The following SCN11A variants were observed in gnomAD, a reference collection of about 807,000 sequenced individuals.
SCN11A encodes sodium voltage-gated channel alpha subunit 11.
A neutral mutation model predicts 162.2 loss-of-function variants in SCN11A; 122 were observed. The ratio of observed to expected loss-of-function variants is 0.75; its 90% CI spans 0.65 to 0.87. The LOEUF is 0.87. SCN11A is among the 40% of genes least tolerant of loss of function. SCN11A has a pLI of 0.00. For synonymous variants in SCN11A, 758 were observed against 751.5 expected, an observed-to-expected ratio of 1.01 and a Z score of -0.14; for missense variants, 2,015 against 2,181.6, an observed-to-expected ratio of 0.92 and a Z score of 1.52.
At chr3:38,909,746 C>A (rs113663837) in intron 12 of SCN11A, among the ~76,000 whole-genome samples, 37 of 151,822 alleles carry the variant, frequency 2.4e-4, no homozygotes, top group African/African-American at 6.8e-4. Flanking sequence ...CCATGCCCTG[C>A]TAATTTTTGT....
chr3:39,003,913 G>A (rs1244908504), intron 2 of SCN11A, among the ~76,000 whole-genome samples: 1 of 151,870 alleles, frequency 6.6e-6, no homozygotes, highest in Non-Finnish European at 1.5e-5. Flanking sequence ...CCTTATAGAT[G>A]CTGGATATTA....
At chr3:38,860,126 C>A (rs971768975) in intron 28 of SCN11A, among the ~76,000 whole-genome samples, 1 of 152,064 alleles carries the variant, frequency 6.6e-6, no homozygotes, top group African/African-American at 2.4e-5. Flanking sequence ...GATTCCATAT[C>A]AAACCTGACC....
intron 5 of SCN11A, among the ~76,000 whole-genome samples, chr3:38,949,680 A>C (rs1239909044): frequency 6.6e-6 from 1 of 152,200 alleles, no homozygotes; most frequent in Non-Finnish European, 1.5e-5. Flanking sequence ...TCTATGCTCT[A>C]AGGTAGGAAC....
chr3:38,982,209 C>T (rs997807971), intron 2 of SCN11A, among the ~76,000 whole-genome samples: 1 of 152,084 alleles, frequency 6.6e-6, no homozygotes, highest in Non-Finnish European at 1.5e-5. Context: ...TTGGGCCAAC[C>T]CTGGCCTGTT....
chr3:38,949,406 G>T (rs892636012), intron 5 of SCN11A, among the ~76,000 whole-genome samples: 12 of 152,172 alleles, frequency 7.9e-5, no homozygotes, highest in African/African-American at 2.7e-4. Context: ...AAAATAGCAA[G>T]GCTTTCACAT....
In SCN11A at chr3:38,847,734, T is replaced by A; in HGVS notation, c.4336A>T (p.Ile1446Phe). 3 of 1,581,802 alleles carry A rather than the reference T, an allele frequency of 1.9e-6. No homozygotes were observed. The highest frequency in any genetic ancestry group is 2.6e-6 in the Non-Finnish European group (3 of 1,156,756). Residue 1446 changes from isoleucine to phenylalanine, a missense_variant, in exon 30 of 30, where the codon ATT becomes TTT. Coordinates refer to ENST00000302328, the MANE Select transcript of SCN11A (RefSeq NM_001349253.2). ...VVLLSIVSTMISTLENQEHIP... is the reference protein window; with the variant it reads ...VVLLSIVSTMFSTLENQEHIP... ...TGCTCCTGATTTTCCAAGGTAGAAA[T>A]CATTGTACCTCAGGAGAAGGAGAAA...
chr3:38,935,931 G>A (rs1168298738), intron 7 of SCN11A, among the ~76,000 whole-genome samples: 1 of 152,160 alleles, frequency 6.6e-6, no homozygotes, highest in African/African-American at 2.4e-5. Flanking sequence ...GAGAATTTTA[G>A]ACCAATATCT....
chr3:39,019,717 CT>C (rs1307312743), intron 2 of SCN11A, among the ~76,000 whole-genome samples: 1 of 152,094 alleles, frequency 6.6e-6, no homozygotes, highest in African/African-American at 2.4e-5. Context: ...TTAATTTGTT[CT>C]TTTCATAACT....
At chr3:38,887,047 T>C (rs2065412462) in intron 19 of SCN11A, among the ~76,000 whole-genome samples, 1 of 152,206 alleles carries the variant, frequency 6.6e-6, no homozygotes. Context: ...CTGCCTTTCC[T>C]TTCCCATACT....
At chr3:39,017,321 T>C (rs773097862) in intron 2 of SCN11A, among the ~76,000 whole-genome samples, 18 of 151,736 alleles carry the variant, frequency 1.2e-4, no homozygotes, top group Admixed American at 4.0e-4. Context: ...TTATGCCACC[T>C]AGTCTATGGT....
At position 38,862,143 on chromosome 3, in the gene SCN11A, A is replaced by G. The variant is rs562883006; in HGVS notation, c.4056+1052T>C. On this transcript the variant is annotated intron_variant, in intron 28 of 29. Transcript: ENST00000302328. ...AAGAAACATAGAAAAAAAATGCTCAACATCACTAATTATCAGGGAAATACA... is the reference window on the plus strand; with the variant it reads ...AAGAAACATAGAAAAAAAATGCTCAGCATCACTAATTATCAGGGAAATACA... Among the ~76,000 whole-genome samples the G allele has an allele frequency of 1.4e-4, 22 of 152,258 alleles. No individual in the cohort carries two copies. In the South Asian group the frequency reaches 2.1e-3, roughly 14 times the overall value.
At chr3:38,966,136 A>G (rs2066780623) in intron 2 of SCN11A, among the ~76,000 whole-genome samples, 1 of 152,172 alleles carries the variant, frequency 6.6e-6, no homozygotes, top group Non-Finnish European at 1.5e-5. Flanking sequence ...TGCTTTCCAG[A>G]ACGTTGCCAT....
chr3:39,045,145 G>A (rs577619534), intron 1 of SCN11A, among the ~76,000 whole-genome samples: 1 of 152,208 alleles, frequency 6.6e-6, no homozygotes, highest in African/African-American at 2.4e-5. Flanking sequence ...TGAGATTGTG[G>A]GAGAAATAAA....
chr3:38,982,997 A>G (rs1575346527), intron 2 of SCN11A, among the ~76,000 whole-genome samples: 1 of 152,354 alleles, frequency 6.6e-6, no homozygotes, highest in Middle Eastern at 3.4e-3. Flanking sequence ...GTAGCGGGGA[A>G]AACTTCTGGC....
At chr3:38,980,598 A>C (rs984245000) in intron 2 of SCN11A, among the ~76,000 whole-genome samples, 2 of 152,228 alleles carry the variant, frequency 1.3e-5, no homozygotes, top group Admixed American at 1.3e-4. Context: ...AGATATGTGA[A>C]GAGGTGTTAT....
At position 38,847,739 on chromosome 3, in the gene SCN11A, G is replaced by A. The variant is rs753867674; in HGVS notation, c.4331C>T (p.Thr1444Ile). The A allele has an allele frequency of 2.5e-6, 4 of 1,574,852 alleles. No homozygotes were observed. The South Asian group carries it at 4.5e-5, about 18-fold the overall frequency. ...CVVVLLSIVS[T>I]MISTLENQEH... is the part of the protein sequence containing the mutation. Reference sequence around the variant, plus strand: ...CTGATTTTCCAAGGTAGAAATCATTGTACCTCAGGAGAAGGAGAAAAGTAA... The same window carrying A: ...CTGATTTTCCAAGGTAGAAATCATTATACCTCAGGAGAAGGAGAAAAGTAA... Residue 1444 changes from threonine to isoleucine, a missense_variant, in exon 30 of 30, where the codon ACA (threonine) becomes ATA (isoleucine). Coordinates refer to ENST00000302328, the MANE Select transcript of SCN11A (RefSeq NM_001349253.2).
chr3:38,998,775 G>A (rs1454573712), intron 2 of SCN11A, among the ~76,000 whole-genome samples: 1 of 151,932 alleles, frequency 6.6e-6, no homozygotes, highest in South Asian at 2.1e-4. Context: ...GATGAAGCTG[G>A]AAACCATCAT....
In SCN11A at chr3:38,994,104, A is replaced by T. The variant is rs548631720; in HGVS notation, c.-279-33681T>A. Among the ~76,000 whole-genome samples the T allele has an allele frequency of 2.6e-5, 4 of 152,256 alleles. No homozygotes were observed. The East Asian group carries it at 7.7e-4, about 29-fold the overall frequency. On this transcript the variant is annotated intron_variant, in intron 2 of 29. Transcript: ENST00000302328. The stretch of plus-strand genomic sequence containing the variant: ...CTTCCTGGGATCGCTCCCCAAATAA[A>T]TTCTGTGCATCCAAGTCCTTGTTTC...
chr3:38,921,590 C>T (rs1316011919), intron 9 of SCN11A, among the ~76,000 whole-genome samples: 1 of 152,140 alleles, frequency 6.6e-6, no homozygotes, highest in Non-Finnish European at 1.5e-5. Flanking sequence ...TGCAAAGGCA[C>T]CACCTAAGCT....
Sources: gnomAD v4.1 joint callset for allele counts (sites outside exome capture counted in the v4.1 genomes callset) on GRCh38, gnomAD v4.1.1 for gene constraint, MANE v1.5 for transcripts, NCBI Gene and HGNC (gene_info 2026-07-23, HGNC 2026-07-21) for gene names.